The following CYFIP2 variants were observed in gnomAD, a reference collection of about 807,000 sequenced individuals.
The protein encoded by CYFIP2 is cytoplasmic FMR1 interacting protein 2.
Under a neutral mutation model 158.7 loss-of-function variants are expected in CYFIP2, and 29 were observed. The observed-to-expected ratio is 0.18, with a 90% CI of 0.14 to 0.25. The LOEUF (loss-of-function observed/expected upper bound fraction) is 0.25. CYFIP2 is among the 10% of genes least tolerant of loss of function. The probability of loss-of-function intolerance (pLI) is 1.00; values close to 1 mark genes in which losing one functional copy is unlikely to be tolerated. For synonymous variants in CYFIP2, 585 were observed against 617.6 expected (o/e 0.95, Z 0.78); for missense variants, 852 against 1,639.5 (o/e 0.52, Z 8.29).
chr5:157,326,178 C>G lies in CYFIP2; in HGVS notation c.1990C>G (p.Leu664Val). ...TKEPSMMEYV[L>V]YPLDLYNDSA... ...GTGTTTTTCCCTCTTCAGGTATGTC[C>G]TCTACCCTCTGGATCTGTACAACGA... Residue 664 changes from leucine (L) to valine (V), a missense_variant, in exon 18 of 31, where the codon CTC becomes GTC. Physicochemically the swap from Leu to Val is conservative, Grantham distance 32. Coordinates refer to ENST00000620254, the MANE Select transcript of CYFIP2 (RefSeq NM_001037333.3). 6.2e-7 allele frequency: 1 copy of G among 1,613,542 alleles called. No homozygotes were observed.
chr5:157,336,636 C>T (rs376062736), intron 21 of CYFIP2, among the ~76,000 whole-genome samples: 9 of 152,284 alleles, frequency 5.9e-5, no homozygotes, highest in South Asian at 4.1e-4. Context: ...GGTCTTCTTT[C>T]GTTGATGAGC....
chr5:157,285,021 CTG>C (rs1342467394), intron 1 of CYFIP2, among the ~76,000 whole-genome samples: 9 of 152,206 alleles, frequency 5.9e-5, no homozygotes, highest in African/African-American at 9.6e-5. Flanking sequence ...GGTCACGTGA[CTG>C]TGTGGGCATC....
chr5:157,327,577 AAT>A (rs201963900), intron 18 of CYFIP2, among the ~76,000 whole-genome samples: 16,900 of 151,288 alleles, frequency 0.11, 1,376 homozygotes, highest in East Asian at 0.25. Context: ...AAAAAAAAAA[AAT>A]TGCAAATCAA....
At chr5:157,329,110 A>G (rs188558775) in intron 19 of CYFIP2, among the ~76,000 whole-genome samples, 1 of 152,170 alleles carries the variant, frequency 6.6e-6, no homozygotes, top group Admixed American at 6.5e-5. Flanking sequence ...AGAGGAGTTG[A>G]TGTGCAGCAC....
chr5:157,276,331 A>G (rs1300005474), intron 1 of CYFIP2, among the ~76,000 whole-genome samples: 1 of 152,240 alleles, frequency 6.6e-6, no homozygotes, highest in East Asian at 1.9e-4. Context: ...GAGTGTTTTT[A>G]TCATGAAGGC....
chr5:157,320,979 C>T (rs528075925), intron 15 of CYFIP2, among the ~76,000 whole-genome samples, 177 bp downstream of exon 15: 1 of 152,354 alleles, frequency 6.6e-6, no homozygotes, highest in Admixed American at 6.5e-5. Context: ...AGGAGGACCA[C>T]TGGCTTAAGA....
chr5:157,368,378 C>T (rs181308862), intron 26 of CYFIP2, among the ~76,000 whole-genome samples: 11 of 152,244 alleles, frequency 7.2e-5, no homozygotes, highest in African/African-American at 1.9e-4. Context: ...CCTCTCAGAC[C>T]GTCACTCCAT....
chr5:157,390,878 G>A (rs946772077), intron 30 of CYFIP2, among the ~76,000 whole-genome samples: 1 of 152,196 alleles, frequency 6.6e-6, no homozygotes, highest in South Asian at 2.1e-4. Flanking sequence ...AGTTCACCCC[G>A]AAGGGCAGGG....
chr5:157,324,711 C>CG (rs1760875719), intron 16 of CYFIP2: 1 of 151,414 alleles, frequency 6.6e-6, no homozygotes. Context: ...AGTGGGCACT[C>CG]GGGGGCCTGT....
Position 157,289,458 on chromosome 5 carries a change from C to T in CYFIP2, c.207+2350C>T, listed in dbSNP as rs534919719. On this transcript the variant is annotated intron_variant, in intron 3 of 30. Transcript: ENST00000620254. ...AAACAGCAAAAATGTATTTCCTCCC[C>T]GTTCCGGAGATTAGAAGTCCAAGAT... 1.7e-4 allele frequency among the ~76,000 whole-genome samples: 26 copies of T among 152,322 alleles called. No individual in the cohort carries two copies. In the South Asian group the frequency reaches 3.7e-3, roughly 22 times the overall value.
rs1430015790 is a variant in CYFIP2 at position 157,395,277 on chromosome 5, T to C, written c.*2277T>C. ...CCTTGGCATTACTGCCCCAGCCTCTTTTTATTTTTTTTGTGTGTGTCTAAT... is the reference window on the plus strand; with the variant it reads ...CCTTGGCATTACTGCCCCAGCCTCTCTTTATTTTTTTTGTGTGTGTCTAAT... On this transcript the variant is annotated 3_prime_UTR_variant, in exon 31 of 31. Transcript: ENST00000620254. The C allele has an allele frequency of 2.9e-5, 8 of 280,142 alleles. No individual in the cohort carries two copies. The highest frequency in any genetic ancestry group is 1.9e-4 in the African/African-American group (8 of 43,038). 17.4% of individuals were successfully genotyped at this position (280,142 alleles called of 1,614,324 possible). A position where few individuals can be genotyped will look rare whatever the true frequency, so the allele number is the denominator to read the frequency against.
chr5:157,369,242 A>G (rs1225899873), intron 26 of CYFIP2, among the ~76,000 whole-genome samples: 1 of 152,144 alleles, frequency 6.6e-6, no homozygotes, highest in South Asian at 2.1e-4. Context: ...AACAATAGCA[A>G]CAATATAGAT....
intron 1 of CYFIP2, among the ~76,000 whole-genome samples, chr5:157,275,265 CTT>C (rs1472931777): frequency 6.6e-6 from 1 of 152,076 alleles, no homozygotes; most frequent in African/African-American, 2.4e-5. Flanking sequence ...AAGATGTACT[CTT>C]ATGAGTTTTA....
At chr5:157,328,283 T>C (rs1761183350) in intron 19 of CYFIP2, among the ~76,000 whole-genome samples, 1 of 152,170 alleles carries the variant, frequency 6.6e-6, no homozygotes. Context: ...AGCCGATGAA[T>C]GCACAGTGAC....
intron 1 of CYFIP2, among the ~76,000 whole-genome samples, chr5:157,268,064 G>C (rs1755763619): frequency 6.6e-6 from 1 of 152,240 alleles, no homozygotes; most frequent in African/African-American, 2.4e-5. Context: ...TTCCTCGTTG[G>C]CATTGGCTGC....
intron 12 of CYFIP2, among the ~76,000 whole-genome samples, chr5:157,314,741 T>C (rs1273059984): frequency 6.6e-6 from 1 of 152,218 alleles, no homozygotes; most frequent in African/African-American, 2.4e-5. Context: ...TCTACCTCTA[T>C]AGGTTTCCCT....
At chr5:157,327,510 A>G (rs1012038633) in intron 18 of CYFIP2, among the ~76,000 whole-genome samples, 1 of 151,688 alleles carries the variant, frequency 6.6e-6, no homozygotes, top group Non-Finnish European at 1.5e-5. Context: ...GGTTGCAGTG[A>G]GCCGAGATCA....
At chr5:157,276,557 T>G (rs1026625725) in intron 1 of CYFIP2, among the ~76,000 whole-genome samples, 48 of 152,360 alleles carry the variant, frequency 3.2e-4, no homozygotes, top group African/African-American at 1.2e-3. Flanking sequence ...TCGAGCACTT[T>G]CTACCAGCCA....
In CYFIP2 at chr5:157,337,434, A is replaced by G. The variant is rs531330126; in HGVS notation, c.2386-1623A>G. Among the ~76,000 whole-genome samples the G allele has an allele frequency of 7.2e-5, 11 of 152,350 alleles. 1 individual carries two copies. In the South Asian group the frequency reaches 2.1e-3, roughly 29 times the overall value. On this transcript the variant is annotated intron_variant, in intron 21 of 30. Coordinates refer to ENST00000620254, the MANE Select transcript of CYFIP2 (RefSeq NM_001037333.3). ...CCTGGGCAGGGACATCCAATTTGCC[A>G]TAGATGGACCCACTCCCCAAACTTT...
Sources: allele counts gnomAD v4.1 joint callset (sites outside exome capture counted in the v4.1 genomes callset), GRCh38; gene constraint gnomAD v4.1.1; transcripts MANE v1.5; gene names NCBI Gene and HGNC (gene_info 2026-07-23, HGNC 2026-07-21).